The following ZHX2 variants were observed in gnomAD, a reference collection of about 807,000 sequenced individuals.
ZHX2 encodes the protein zinc fingers and homeoboxes 2.
In ZHX2, 6 loss-of-function variants were observed where a neutral mutation model predicts 21.9. The observed-to-expected ratio is 0.27, with a 90% CI of 0.15 to 0.54. ZHX2 has a LOEUF of 0.54. Ranked by LOEUF, ZHX2 falls within the 20% of genes least tolerant of loss-of-function variation. The pLI, the probability that ZHX2 is intolerant of heterozygous loss-of-function variation, is 0.95. For synonymous variants in ZHX2, 434 were observed against 437.1 expected (o/e 0.99, Z 0.09); for missense variants, 908 against 1,090.7 (o/e 0.83, Z 2.36).
At position 122,951,770 on chromosome 8, in the gene ZHX2, C is replaced by T. The variant is rs756679964; in HGVS notation, c.260C>T (p.Thr87Met). The T allele has an allele frequency of 6.8e-6, 11 of 1,614,116 alleles. No homozygotes were observed. The highest frequency in any genetic ancestry group is 4.5e-5 in the East Asian group (2 of 44,876). ...GAGTGCAAATACTGCCCCTACTCCA[C>T]GCAAAACCTGAACGAGTTCACGGAG... ...GYECKYCPYS[T>M]QNLNEFTEHV... is the part of the protein sequence containing the mutation. The change falls in exon 3 of 4, where the codon ACG (threonine) becomes ATG (methionine). Residue 87 changes from threonine to methionine, a missense_variant. Transcript: ENST00000314393.
chr8:122,945,436 CAAAAAAAAAAAA>C (rs60890533), intron 2 of ZHX2, among the ~76,000 whole-genome samples: 23 of 73,658 alleles, frequency 3.1e-4, no homozygotes, highest in African/African-American at 1.0e-3. Flanking sequence ...CCTGTCTCTG[CAAAAAAAAAAAA>C]AAAAAAAAAA....
chr8:122,913,212 T>G (rs1408143403), intron 2 of ZHX2, among the ~76,000 whole-genome samples: 1 of 152,272 alleles, frequency 6.6e-6, no homozygotes, highest in Admixed American at 6.5e-5. Context: ...AATACTTCAT[T>G]CTTTTTTGAT....
At chr8:122,821,409 C>T (rs1331548528) in intron 1 of ZHX2, among the ~76,000 whole-genome samples, 5 of 152,120 alleles carry the variant, frequency 3.3e-5, no homozygotes, top group African/African-American at 1.2e-4. Flanking sequence ...TTTGTTTTAA[C>T]AGTTGGGGCT....
chr8:122,816,330 CA>C, intron 1 of ZHX2: 1 of 152,020 alleles, frequency 6.6e-6, no homozygotes, highest in African/African-American at 2.4e-5. Flanking sequence ...ACTAGGAAAT[CA>C]AAAAATTCAT....
intron 2 of ZHX2, among the ~76,000 whole-genome samples, chr8:122,878,559 G>C (rs1819622407): frequency 6.6e-6 from 1 of 152,202 alleles, no homozygotes; most frequent in Admixed American, 6.5e-5. Context: ...AGTGGCAGAG[G>C]AGCGAGGGTG....
At chr8:122,860,968 G>C (rs1376820481) in intron 1 of ZHX2, among the ~76,000 whole-genome samples, 3 of 150,996 alleles carry the variant, frequency 2.0e-5, no homozygotes, top group Non-Finnish European at 4.4e-5. Context: ...AGGAGGCGGA[G>C]GTTGCAGTGA....
intron 2 of ZHX2, among the ~76,000 whole-genome samples, chr8:122,871,099 C>T (rs755967013): frequency 1.3e-5 from 2 of 152,144 alleles, no homozygotes; most frequent in Non-Finnish European, 2.9e-5. Flanking sequence ...CTTCAATTCA[C>T]ATCCTGGCCC....
At chr8:122,922,960 CCT>C (rs1407748674) in intron 2 of ZHX2, among the ~76,000 whole-genome samples, 2 of 152,194 alleles carry the variant, frequency 1.3e-5, no homozygotes, top group Non-Finnish European at 2.9e-5. Context: ...GGCAGTTCAG[CCT>C]CTGTCTTCCA....
At chr8:122,914,510 C>A (rs916328638) in intron 2 of ZHX2, among the ~76,000 whole-genome samples, 1 of 152,204 alleles carries the variant, frequency 6.6e-6, no homozygotes. Context: ...TCTCATTACC[C>A]GGTGCTGCCA....
intron 1 of ZHX2, among the ~76,000 whole-genome samples, chr8:122,853,525 A>G (rs1460913687): frequency 6.6e-6 from 1 of 152,136 alleles, no homozygotes; most frequent in South Asian, 2.1e-4. Flanking sequence ...TGTGGTGTGC[A>G]TGCACCCCTG....
intron 2 of ZHX2, among the ~76,000 whole-genome samples, chr8:122,893,755 C>A (rs1040815277): frequency 6.6e-6 from 1 of 152,078 alleles, no homozygotes; most frequent in African/African-American, 2.4e-5. Context: ...TATCTGTATT[C>A]TTTGTATCTT....
chr8:122,869,011 G>C (rs1180672228), intron 2 of ZHX2, among the ~76,000 whole-genome samples: 1 of 152,232 alleles, frequency 6.6e-6, no homozygotes. Flanking sequence ...GCAGACAACA[G>C]ACAAGTGCAC....
At chr8:122,816,102 AG>A (rs1818029287) in intron 1 of ZHX2, among the ~76,000 whole-genome samples, 1 of 141,340 alleles carries the variant, frequency 7.1e-6, no homozygotes, top group African/African-American at 2.6e-5. Flanking sequence ...AAAAAAAGGG[AG>A]ATTGCCATAG....
chr8:122,952,598 A>C lies in ZHX2; in HGVS notation c.1088A>C (p.Gln363Pro). 1.2e-6 allele frequency: 2 copies of C among 1,614,164 alleles called. No individual in the cohort carries two copies. The highest frequency in any genetic ancestry group is 1.6e-4 in the Middle Eastern group (1 of 6,062). ...ACAAAGGTGACGCAGCCCATCCTCC[A>C]GACGGCTCTACCGTGCCAGATCCTC... ...APTKVTQPIL[Q>P]TALPCQILGQ... is the part of the protein sequence containing the mutation. Residue 363 changes from glutamine (Q) to proline (P), a missense_variant, in exon 3 of 4, where the codon CAG becomes CCG. Physicochemically the swap from Gln to Pro is moderately conservative, Grantham distance 76 (BLOSUM62 -1). Coordinates refer to ENST00000314393, the MANE Select transcript of ZHX2 (RefSeq NM_014943.5). This position sits in a 1 kb window ranked among gnomAD's most constrained non-coding sequence, Gnocchi z 6.9.
chr8:122,893,518 T>C (rs1820029481), intron 2 of ZHX2, among the ~76,000 whole-genome samples: 1 of 152,152 alleles, frequency 6.6e-6, no homozygotes, highest in Non-Finnish European at 1.5e-5. Context: ...TTATTCTTTA[T>C]TTTTTAAAAA....
intron 1 of ZHX2, among the ~76,000 whole-genome samples, chr8:122,824,422 C>G (rs961450309): frequency 9.2e-5 from 14 of 152,206 alleles, no homozygotes; most frequent in Admixed American, 3.9e-4. Flanking sequence ...AATGAACCCT[C>G]ACCCACAGCC....
At chr8:122,793,387 A>G (rs768365410) in intron 1 of ZHX2, among the ~76,000 whole-genome samples, 20 of 152,358 alleles carry the variant, frequency 1.3e-4, no homozygotes, top group Admixed American at 7.2e-4. Context: ...CACAGAGCCC[A>G]GCACTGGCTC....
At position 122,782,291 on chromosome 8, in the gene ZHX2, C is replaced by A. The variant is rs529273036; in HGVS notation, c.-283+345C>A. Among the ~76,000 whole-genome samples the A allele has an allele frequency of 6.6e-6, 1 of 152,058 alleles. No homozygotes were observed. Among genetic ancestry groups the A allele is most frequent in the African/African-American group, 2.4e-5 (1 of 41,468 alleles). On this transcript the variant is annotated intron_variant, in intron 1 of 3. Coordinates refer to ENST00000314393, the MANE Select transcript of ZHX2 (RefSeq NM_014943.5). This position sits in a 1 kb window ranked among gnomAD's most constrained non-coding sequence, Gnocchi z 5.3. The stretch of plus-strand genomic sequence containing the variant: ...AAAACATGTCTACGTTTCCCTATGT[C>A]GACATAAGCCACAAAAAAATATGGC...
At chr8:122,847,296 G>T (rs1818774298) in intron 1 of ZHX2, among the ~76,000 whole-genome samples, 3 of 152,176 alleles carry the variant, frequency 2.0e-5, no homozygotes, top group Admixed American at 2.0e-4. Flanking sequence ...CCTCCCCACT[G>T]AGGGGGGTTG....
Sources: allele counts gnomAD v4.1 joint callset (sites outside exome capture counted in the v4.1 genomes callset), GRCh38; gene constraint gnomAD v4.1.1; non-coding constraint Gnocchi (gnomAD v3.1); transcripts MANE v1.5; gene names NCBI Gene and HGNC (gene_info 2026-07-23, HGNC 2026-07-21).